The following TGFBR3 variants were observed in gnomAD, a reference collection of about 807,000 sequenced individuals.
The protein encoded by TGFBR3 is transforming growth factor beta receptor type 3.
TGFBR3 carries 46 observed loss-of-function variants against 87.9 expected under a neutral mutation model. The observed-to-expected ratio is 0.52, with a 90% CI of 0.41 to 0.67. The LOEUF is 0.67. Ranked by LOEUF, TGFBR3 falls within the 30% of genes least tolerant of loss-of-function variation. TGFBR3 has a pLI of 0.00. For missense variants in TGFBR3, 866 were observed against 1,041.9 expected (o/e 0.83, Z 2.32); for synonymous variants, 381 against 391.6 (o/e 0.97, Z 0.32).
intron 1 of TGFBR3, among the ~76,000 whole-genome samples, chr1:91,901,397 A>C (rs1244772915): frequency 6.6e-6 from 1 of 152,230 alleles, no homozygotes; most frequent in Middle Eastern, 3.2e-3. Flanking sequence ...TGGAAACTAC[A>C]TCCAAAGATT....
intron 2 of TGFBR3, among the ~76,000 whole-genome samples, chr1:91,828,888 A>G (rs1246702918): frequency 6.6e-6 from 1 of 152,164 alleles, no homozygotes; most frequent in Non-Finnish European, 1.5e-5. Context: ...AGGACTCCTC[A>G]ATGCAGTGAG....
intron 2 of TGFBR3, among the ~76,000 whole-genome samples, chr1:91,808,741 G>A (rs1675927321): frequency 6.6e-6 from 1 of 152,168 alleles, no homozygotes. Context: ...CAGAGTACTG[G>A]AAGTGAGTCA....
intron 2 of TGFBR3, chr1:91,899,578 A>G (rs1679644963): frequency 6.6e-6 from 1 of 152,136 alleles, no homozygotes; most frequent in South Asian, 2.1e-4. Context: ...TTTCAGGCTC[A>G]AAATAAAATG....
At chr1:91,872,665 CCT>C (rs1678627469) in intron 1 of TGFBR3, among the ~76,000 whole-genome samples, 1 of 152,142 alleles carries the variant, frequency 6.6e-6, no homozygotes, top group Non-Finnish European at 1.5e-5. Flanking sequence ...GAAATTCTGC[CCT>C]GTTTCCCCCT....
intron 3 of TGFBR3, among the ~76,000 whole-genome samples, chr1:91,776,215 G>A (rs542806907): frequency 6.6e-6 from 1 of 152,218 alleles, no homozygotes; most frequent in African/African-American, 2.4e-5. Context: ...ATCTAAATGG[G>A]AGCGGGAGCA....
At position 91,683,623 on chromosome 1, in the gene TGFBR3, G is replaced by A. The variant is rs1281566629; in HGVS notation, c.*116C>T. 1.2e-6 allele frequency: 1 copy of A among 840,082 alleles called. No homozygotes were observed. Among genetic ancestry groups the A allele is most frequent in the Non-Finnish European group, 1.9e-6 (1 of 519,336 alleles). 52.0% of individuals were successfully genotyped at this position (840,082 alleles called of 1,614,324 possible). A position where few individuals can be genotyped will look rare whatever the true frequency, so the allele number is the denominator to read the frequency against. ...TGAAATTCACTCTGTCTTTACAAGG[G>A]AACCAAAATCCAGCCCTCTGAGTCT... On this transcript the variant is annotated 3_prime_UTR_variant, in exon 17 of 17. Transcript: ENST00000212355.
At chr1:91,814,252 T>C (rs541582906) in intron 2 of TGFBR3, among the ~76,000 whole-genome samples, 17 of 152,256 alleles carry the variant, frequency 1.1e-4, no homozygotes, top group Non-Finnish European at 2.1e-4. Flanking sequence ...CACACACACA[T>C]ACATGCCAAG....
chr1:91,705,975 G>T (rs1445015425), intron 14 of TGFBR3, among the ~76,000 whole-genome samples: 1 of 152,154 alleles, frequency 6.6e-6, no homozygotes, highest in African/African-American at 2.4e-5. Context: ...TTAGAAAAAT[G>T]TCACCAGGCT....
In TGFBR3 at chr1:91,712,435, A is replaced by G. The variant is rs1672016728; in HGVS notation, c.1974T>C (p.Asn658=). 6.2e-7 allele frequency: 1 copy of G among 1,614,080 alleles called. No individual in the cohort carries two copies. The highest frequency in any genetic ancestry group is 8.5e-7 in the Non-Finnish European group (1 of 1,180,016). The change falls in exon 13 of 17, where the codon AAT becomes AAC. Residue 658 remains asparagine (N), a synonymous_variant. Coordinates refer to ENST00000212355, the MANE Select transcript of TGFBR3 (RefSeq NM_003243.5). ...TCACAGATTCATCTTTAGGACAAAT[A>G]TTCTCAATAATGGTGTAATGAGACA... The part of the protein sequence containing the change: ...DRMSHYTIIE[N]ICPKDESVKF...
At chr1:91,738,360 C>T (rs961194812) in intron 4 of TGFBR3, among the ~76,000 whole-genome samples, 13 of 152,308 alleles carry the variant, frequency 8.5e-5, no homozygotes, top group South Asian at 4.1e-4. Context: ...ATGGTAACCC[C>T]CAACGTTTCA....
Position 91,712,039 on chromosome 1 carries a change from G to A in TGFBR3, c.2166+204C>T, listed in dbSNP as rs78105257. ...CTCGTAAGGTACTACTAAGTAGCAC[G>A]CATGGAAAAAAGAAACTCATGCTGT... On this transcript the variant is annotated intron_variant, in intron 13 of 16. Coordinates refer to ENST00000212355, the MANE Select transcript of TGFBR3 (RefSeq NM_003243.5). Among the ~76,000 whole-genome samples the A allele has an allele frequency of 4.0e-4, 61 of 152,258 alleles. 1 individual carries two copies. In the East Asian group the frequency reaches 0.01, roughly 26 times the overall value.
chr1:91,732,596 G>GCCGT (rs1457194742), intron 5 of TGFBR3, among the ~76,000 whole-genome samples: 3 of 152,182 alleles, frequency 2.0e-5, no homozygotes, highest in Non-Finnish European at 4.4e-5. Context: ...TGCAGTCTGA[G>GCCGT]CCGTGGTGAT....
chr1:91,683,095 T>C lies in TGFBR3; in HGVS notation c.*644A>G, dbSNP rs950217198. The C allele has an allele frequency of 1.1e-5, 5 of 454,512 alleles. No individual in the cohort carries two copies. The highest frequency in any genetic ancestry group is 2.2e-5 in the Non-Finnish European group (5 of 226,790). 28.2% of individuals were successfully genotyped at this position (454,512 alleles called of 1,614,324 possible). A position where few individuals can be genotyped will look rare whatever the true frequency, so the allele number is the denominator to read the frequency against. On this transcript the variant is annotated 3_prime_UTR_variant, in exon 17 of 17. Transcript: ENST00000212355. ...GCTGATAAGGTCATCAGCATTGGTT[T>C]TGGCCCAGGGCACAAGAAAGGAATG...
At chr1:91,774,340 T>C (rs1674491477) in intron 3 of TGFBR3, among the ~76,000 whole-genome samples, 1 of 152,082 alleles carries the variant, frequency 6.6e-6, no homozygotes, top group Non-Finnish European at 1.5e-5. Context: ...TTTCACTATG[T>C]TCTCAAGCTG....
intron 3 of TGFBR3, 47 bp from the exon 4 acceptor site, chr1:91,758,797 A>G (rs1571480631): frequency 6.2e-7 from 1 of 1,612,828 alleles, no homozygotes; most frequent in South Asian, 1.1e-5. Context: ...CTGGCTTTCC[A>G]TGAAAATCAC....
chr1:91,827,566 G>A (rs1176484652), intron 2 of TGFBR3, among the ~76,000 whole-genome samples: 2 of 152,154 alleles, frequency 1.3e-5, no homozygotes, highest in African/African-American at 4.8e-5. Flanking sequence ...GGGAGAGACA[G>A]GCCCCCATTA....
chr1:91,850,562 C>G (rs1374242027), intron 2 of TGFBR3, among the ~76,000 whole-genome samples: 2 of 152,096 alleles, frequency 1.3e-5, no homozygotes, highest in Non-Finnish European at 2.9e-5. Context: ...GGGCAGATCA[C>G]TTGAGGCCAG....
intron 2 of TGFBR3, among the ~76,000 whole-genome samples, chr1:91,897,689 A>G (rs1030379608): frequency 3.9e-5 from 6 of 152,182 alleles, no homozygotes; most frequent in Admixed American, 2.6e-4. Context: ...CTCATTTATT[A>G]CTATTGTGTG....
intron 3 of TGFBR3, among the ~76,000 whole-genome samples, chr1:91,788,975 G>A (rs1675078511): frequency 6.6e-6 from 1 of 152,152 alleles, no homozygotes; most frequent in African/African-American, 2.4e-5. Flanking sequence ...ACACCATACT[G>A]GTTGGAAAAT....
Sources: allele counts gnomAD v4.1 joint callset (sites outside exome capture counted in the v4.1 genomes callset), GRCh38; gene constraint gnomAD v4.1.1; transcripts MANE v1.5; gene names NCBI Gene and HGNC (gene_info 2026-07-23, HGNC 2026-07-21).